The following BRD4 variants were observed in gnomAD, a reference collection of about 807,000 sequenced individuals.
The protein encoded by BRD4 is bromodomain containing 4.
BRD4 carries 16 observed loss-of-function variants against 142.1 expected under a neutral mutation model. That is an observed-to-expected ratio of 0.11 (90% CI 0.08 to 0.17). The LOEUF (loss-of-function observed/expected upper bound fraction) is 0.17. Ranked by LOEUF, BRD4 falls within the 10% of genes least tolerant of loss-of-function variation. The pLI is 1.00. For synonymous variants in BRD4, 833 were observed against 707.5 expected, an observed-to-expected ratio of 1.18 and a Z score of -2.82; for missense variants, 1,424 against 1,810.9, an observed-to-expected ratio of 0.79 and a Z score of 3.88.
intron 1 of BRD4, among the ~76,000 whole-genome samples, chr19:15,321,155 C>G (rs1214162568): frequency 6.6e-6 from 1 of 151,898 alleles, no homozygotes; most frequent in Admixed American, 6.6e-5. Flanking sequence ...AATTGCTTGA[C>G]CCAGGAGGCA....
At chr19:15,264,377 C>G in intron 6 of BRD4, 27 bp downstream of exon 6, 1 of 1,568,468 alleles carries the variant, frequency 6.4e-7, no homozygotes, top group Non-Finnish European at 8.7e-7. Flanking sequence ...CCCACCTTGT[C>G]CCTTCCCTCA....
rs1175759530 is a variant in BRD4 at position 15,253,847 on chromosome 19, C to T, written c.2158+305G>A. 1.0e-5 allele frequency: 14 copies of T among 1,363,126 alleles called. No individual in the cohort carries two copies. In the Admixed American group the frequency reaches 2.6e-4, roughly 25 times the overall value. 84.4% of individuals were successfully genotyped at this position (1,363,126 alleles called of 1,614,324 possible). On this transcript the variant is annotated intron_variant, in intron 11 of 19. Coordinates refer to ENST00000679869, the MANE Select transcript of BRD4 (RefSeq NM_001379291.1). The stretch of plus-strand genomic sequence containing the variant: ...ACCCCCACGCCCACAGTCCTCATGG[C>T]CCAGCTTCCCCGCCCACCATCCAGG...
intron 1 of BRD4, among the ~76,000 whole-genome samples, chr19:15,321,681 A>T (rs2048062610): frequency 6.6e-6 from 1 of 152,176 alleles, no homozygotes. Flanking sequence ...TTGTTTATTT[A>T]TACCAGAGAA....
chr19:15,278,864 G>A (rs769204966), intron 1 of BRD4, among the ~76,000 whole-genome samples: 1 of 151,254 alleles, frequency 6.6e-6, no homozygotes, highest in Non-Finnish European at 1.5e-5. Context: ...TTTTTGAGAC[G>A]GAGTTTTGCT....
intron 11 of BRD4, among the ~76,000 whole-genome samples, chr19:15,252,415 A>C (rs1424432768): frequency 1.3e-5 from 2 of 152,254 alleles, no homozygotes; most frequent in East Asian, 3.8e-4. Flanking sequence ...GGAGAAGTCA[A>C]CTAGAAAACA....
Position 15,236,913 on chromosome 19 carries a change from G to A in BRD4, c.*1464C>T, listed in dbSNP as rs2047196195. On this transcript the variant is annotated 3_prime_UTR_variant, in exon 20 of 20. Transcript: ENST00000679869. ...TATTCACCGTATGAAAGTCAAACCA[G>A]TCAGTGACTCCAGAGTTTGGCCAAC... 4.9e-6 allele frequency: 1 copy of A among 203,572 alleles called. No homozygotes were observed. The highest frequency in any genetic ancestry group is 2.3e-5 in the African/African-American group (1 of 43,330). 12.6% of individuals were successfully genotyped at this position (203,572 alleles called of 1,614,324 possible).
At chr19:15,310,594 C>T (rs1295637886) in intron 1 of BRD4, among the ~76,000 whole-genome samples, 3 of 151,812 alleles carry the variant, frequency 2.0e-5, no homozygotes, top group African/African-American at 7.3e-5. Context: ...CTCCTGACCT[C>T]GTGATCCGCC....
chr19:15,278,928 G>A (rs545814174), intron 1 of BRD4, among the ~76,000 whole-genome samples: 3 of 151,984 alleles, frequency 2.0e-5, no homozygotes, highest in South Asian at 2.1e-4. Flanking sequence ...TGTAACCTCC[G>A]CCTCCCAGGT....
intron 4 of BRD4, 89 bp downstream of exon 4, chr19:15,267,327 C>T: frequency 6.7e-7 from 1 of 1,500,234 alleles, no homozygotes; most frequent in Non-Finnish European, 9.1e-7. Flanking sequence ...AATGTCACAT[C>T]CTCCTGCCAC....
chr19:15,291,396 T>TA (rs1230031818), intron 1 of BRD4, among the ~76,000 whole-genome samples: 4 of 152,154 alleles, frequency 2.6e-5, no homozygotes, highest in African/African-American at 7.2e-5. Context: ...CAGGAACAGA[T>TA]AGACAATCAA....
chr19:15,328,739 A>C (rs1348447898), intron 1 of BRD4, among the ~76,000 whole-genome samples: 1 of 152,204 alleles, frequency 6.6e-6, no homozygotes, highest in Non-Finnish European at 1.5e-5. Flanking sequence ...AAAGCCAAGC[A>C]AACAAAACCC....
chr19:15,248,934 G>GT (rs2047316141), intron 11 of BRD4: 1 of 444,976 alleles, frequency 2.2e-6, no homozygotes, highest in African/African-American at 1.9e-5. Context: ...TGCACACAGA[G>GT]TAGCACCACA....
chr19:15,237,569 G>C lies in BRD4; in HGVS notation c.*808C>G, dbSNP rs2047203289. 4.4e-6 allele frequency: 1 copy of C among 225,504 alleles called. No homozygotes were observed. The allele number at this position is 225,504 out of a possible 1,614,324, so 14.0% of individuals were successfully genotyped here. A position where few individuals can be genotyped will look rare whatever the true frequency, so the allele number is the denominator to read the frequency against. ...GGAGATAAGCAGTGCCATTGTGTCT[G>C]GAGGAGAAGAGAGAATTAAAAATAA... On this transcript the variant is annotated 3_prime_UTR_variant, in exon 20 of 20. Coordinates refer to ENST00000679869, the MANE Select transcript of BRD4 (RefSeq NM_001379291.1).
intron 1 of BRD4, among the ~76,000 whole-genome samples, chr19:15,287,892 C>T (rs993935692): frequency 2.0e-5 from 3 of 152,018 alleles, no homozygotes; most frequent in African/African-American, 7.3e-5. Context: ...CCTCAGCCTC[C>T]CGAGTAGCTG....
At chr19:15,279,578 C>T (rs2047684978) in intron 1 of BRD4, among the ~76,000 whole-genome samples, 1 of 152,186 alleles carries the variant, frequency 6.6e-6, no homozygotes, top group Non-Finnish European at 1.5e-5. Flanking sequence ...CCCCAAGCAA[C>T]CTGTTCCCAG....
At chr19:15,287,079 A>G (rs2047745445) in intron 1 of BRD4, among the ~76,000 whole-genome samples, 1 of 152,234 alleles carries the variant, frequency 6.6e-6, no homozygotes, top group Non-Finnish European at 1.5e-5. Context: ...CAACTAAAAT[A>G]TATCTATTTA....
rs201605430 is a variant in BRD4 at position 15,255,625 on chromosome 19, C to T, written c.1752-33G>A. ...GGGACGATGCAGACACCATCAAGAA[C>T]GGGCCCCCTGAGGAAGCCAGGCACT... On this transcript the variant is annotated intron_variant, in intron 9 of 19. Transcript: ENST00000679869. The T allele has an allele frequency of 1.2e-5, 19 of 1,562,764 alleles. No homozygotes were observed. In the African/African-American group the frequency reaches 1.6e-4, roughly 13 times the overall value.
chr19:15,326,463 G>A (rs1049284492), intron 1 of BRD4, among the ~76,000 whole-genome samples: 1 of 151,732 alleles, frequency 6.6e-6, no homozygotes, highest in Non-Finnish European at 1.5e-5. Flanking sequence ...AGGTGACAGA[G>A]CAAAACTCTG....
At chr19:15,309,898 C>G (rs2047951605) in intron 1 of BRD4, among the ~76,000 whole-genome samples, 1 of 152,126 alleles carries the variant, frequency 6.6e-6, no homozygotes, top group Admixed American at 6.6e-5. Context: ...AGTCACAGAA[C>G]ACTGAGTGCG....
Sources: allele counts gnomAD v4.1 joint callset (sites outside exome capture counted in the v4.1 genomes callset), GRCh38; gene constraint gnomAD v4.1.1; transcripts MANE v1.5; gene names NCBI Gene and HGNC (gene_info 2026-07-23, HGNC 2026-07-21).